Variants in ANKRD30B observed in about 807,000 individuals in gnomAD.
ANKRD30B encodes the protein ankyrin repeat domain 30B.
A neutral mutation model predicts 202.2 loss-of-function variants in ANKRD30B; 144 were observed. That is an observed-to-expected ratio of 0.71 (90% CI 0.62 to 0.82). ANKRD30B has a LOEUF of 0.82. ANKRD30B is among the 40% of genes least tolerant of loss of function. The pLI, the probability that ANKRD30B is intolerant of heterozygous loss-of-function variation, is 0.00. For missense variants in ANKRD30B, 1,487 were observed against 1,669.1 expected (o/e 0.89, Z 1.90); for synonymous variants, 508 against 561.3 (o/e 0.91, Z 1.34).
chr18:14,792,728 A>AT (rs1491471476), intron 16 of ANKRD30B, among the ~76,000 whole-genome samples: 793 of 8,508 alleles, frequency 0.093, 4 homozygotes, highest in African/African-American at 0.13. Flanking sequence ...ATGAGGCATC[A>AT]AATATATATA....
Position 14,782,642 on chromosome 18 carries a change from CTT to C in ANKRD30B, c.1570+31_1570+32del. 2.1e-6 allele frequency: 3 copies of C among 1,447,916 alleles called. No homozygotes were observed. In the East Asian group the frequency reaches 7.0e-5, roughly 34 times the overall value. 89.7% of individuals were successfully genotyped at this position (1,447,916 alleles called of 1,614,324 possible). A position where few individuals can be genotyped will look rare whatever the true frequency, so the allele number is the denominator to read the frequency against. On this transcript the variant is annotated intron_variant, in intron 12 of 43. Transcript: ENST00000690538. ...AAGAACAACTTTTTATTTGAAAAGT[CTT>C]TTAACCATATGTTTGTCTAAACGCA...
the ANKRD30B span, among the ~76,000 whole-genome samples, chr18:14,934,843 G>A: frequency 3.9e-5 from 6 of 151,918 alleles, no homozygotes; most frequent in Non-Finnish European, 7.4e-5. Context: ...GCAGGCATGC[G>A]GCTGCAGGGG....
At chr18:14,782,108 A>C (rs1967786239) in intron 11 of ANKRD30B, among the ~76,000 whole-genome samples, 1 of 152,214 alleles carries the variant, frequency 6.6e-6, no homozygotes, top group African/African-American at 2.4e-5. Context: ...CTCTATAACT[A>C]TCTCTAATAT....
At chr18:14,790,585 A>T (rs1968419801) in intron 15 of ANKRD30B, among the ~76,000 whole-genome samples, 1 of 152,122 alleles carries the variant, frequency 6.6e-6, no homozygotes, top group Non-Finnish European at 1.5e-5. Flanking sequence ...ATTTATTGAG[A>T]GTTTTTAGCA....
chr18:14,869,486 GT>G, the ANKRD30B span, among the ~76,000 whole-genome samples: 1 of 152,032 alleles, frequency 6.6e-6, no homozygotes, highest in Non-Finnish European at 1.5e-5. Flanking sequence ...GCCATTAAAA[GT>G]TAAGATGTCA....
intron 33 of ANKRD30B, among the ~76,000 whole-genome samples, chr18:14,829,758 A>G (rs1339252849): frequency 6.6e-6 from 1 of 152,166 alleles, no homozygotes; most frequent in Non-Finnish European, 1.5e-5. Flanking sequence ...AAAGATTTAG[A>G]AAAAAAGACC....
chr18:14,750,811 C>A (rs999548367), intron 1 of ANKRD30B, among the ~76,000 whole-genome samples: 48 of 152,032 alleles, frequency 3.2e-4, no homozygotes, highest in African/African-American at 1.1e-3. Flanking sequence ...GGGTAAAATT[C>A]AGTTTGATTA....
intron 4 of ANKRD30B, among the ~76,000 whole-genome samples, chr18:14,757,306 A>T (rs1319004490): frequency 6.6e-6 from 1 of 152,204 alleles, no homozygotes; most frequent in Non-Finnish European, 1.5e-5. Context: ...AAGGAGAATA[A>T]TGATATGTGC....
chr18:14,757,675 T>G, intron 4 of ANKRD30B, 140 bp from the exon 5 acceptor site: 1 of 895,176 alleles, frequency 1.1e-6, no homozygotes, highest in Non-Finnish European at 1.6e-6. Context: ...CCTTTTAGAT[T>G]TGGTGGTGAT....
chr18:14,829,237 A>C (rs533475746), intron 33 of ANKRD30B, among the ~76,000 whole-genome samples: 5 of 152,198 alleles, frequency 3.3e-5, no homozygotes, highest in Non-Finnish European at 7.3e-5. Context: ...AAATACTTTC[A>C]TATTTTAAAC....
At chr18:14,893,762 C>CA in the ANKRD30B span, among the ~76,000 whole-genome samples, 9 of 151,526 alleles carry the variant, frequency 5.9e-5, no homozygotes, top group Non-Finnish European at 1.2e-4. Flanking sequence ...TTTTTGTCTA[C>CA]AGTGTATCCG....
At chr18:14,847,771 G>T (rs55721158) in intron 39 of ANKRD30B, among the ~76,000 whole-genome samples, 78,916 of 150,706 alleles carry the variant, frequency 0.52, 20,838 homozygotes, top group African/African-American at 0.55. Context: ...TGTGAAGTCT[G>T]AGTCTTCCCA....
chr18:14,885,945 T>C, the ANKRD30B span, among the ~76,000 whole-genome samples: 1 of 152,056 alleles, frequency 6.6e-6, no homozygotes, highest in Non-Finnish European at 1.5e-5. Context: ...AAAGAACATT[T>C]TTAAAAGGCT....
Position 14,752,638 on chromosome 18 carries a change from G to A in ANKRD30B, c.294G>A (p.Gln98=). 6.2e-7 allele frequency: 1 copy of A among 1,610,632 alleles called. No homozygotes were observed. The highest frequency in any genetic ancestry group is 8.5e-7 in the Non-Finnish European group (1 of 1,178,042). Reference sequence around the variant, plus strand: ...CATTTCTGGTAGACAGAAAGTGCCAGCTTAATGTCCTTGATGGCGAAGGGA... The same window carrying A: ...CATTTCTGGTAGACAGAAAGTGCCAACTTAATGTCCTTGATGGCGAAGGGA... ...VVTFLVDRKC[Q]LNVLDGEGRT... is the part of the protein sequence containing the mutation. Residue 98 remains glutamine (Q), a synonymous_variant, in exon 2 of 44, where the codon CAG becomes CAA. Coordinates refer to ENST00000690538, the MANE Select transcript of ANKRD30B (RefSeq NM_001367607.2).
At chr18:14,941,114 G>C in the ANKRD30B span, among the ~76,000 whole-genome samples, 7 of 152,178 alleles carry the variant, frequency 4.6e-5, no homozygotes, top group Admixed American at 3.9e-4. Context: ...AGGATTCTAA[G>C]AAATAAACTT....
At chr18:14,828,133 G>A (rs1970739949) in intron 32 of ANKRD30B, 145 bp from the exon 33 acceptor site, 1 of 646,784 alleles carries the variant, frequency 1.5e-6, no homozygotes, top group African/African-American at 1.9e-5. Flanking sequence ...TCAGACTCCT[G>A]GACCTCTCAG....
At chr18:14,765,462 G>GAAAA (rs56315734) in intron 7 of ANKRD30B, among the ~76,000 whole-genome samples, 2 of 143,764 alleles carry the variant, frequency 1.4e-5, no homozygotes, top group African/African-American at 5.1e-5. Flanking sequence ...CACTCCATCT[G>GAAAA]AAAAAAAAAA....
intron 15 of ANKRD30B, among the ~76,000 whole-genome samples, chr18:14,787,651 T>C (rs1182728289): frequency 2.0e-5 from 3 of 152,134 alleles, no homozygotes; most frequent in Non-Finnish European, 1.5e-5. Context: ...AACAAGAGTA[T>C]TGGTTGAGCA....
chr18:14,824,776 A>G (rs1191827842), intron 32 of ANKRD30B, among the ~76,000 whole-genome samples: 2 of 152,222 alleles, frequency 1.3e-5, no homozygotes, highest in Non-Finnish European at 2.9e-5. Context: ...CTTTTCTTGT[A>G]AAGTGCCAAA....
Sources: gnomAD v4.1 joint callset for allele counts (sites outside exome capture counted in the v4.1 genomes callset) on GRCh38, gnomAD v4.1.1 for gene constraint, MANE v1.5 for transcripts, NCBI Gene and HGNC (gene_info 2026-07-23, HGNC 2026-07-21) for gene names.